The following UBE2E1 variants were observed in gnomAD, a reference collection of about 807,000 sequenced individuals.
UBE2E1 encodes ubiquitin conjugating enzyme E2 E1.
UBE2E1 carries 6 observed loss-of-function variants against 21.4 expected under a neutral mutation model. That is an observed-to-expected ratio of 0.28 (90% CI 0.15 to 0.55). UBE2E1 has a LOEUF of 0.55. Among genes scored for constraint, UBE2E1 ranks in the 20% least tolerant of loss-of-function variants. The probability of loss-of-function intolerance (pLI) is 0.93; values close to 1 mark genes in which losing one functional copy is unlikely to be tolerated. For missense variants in UBE2E1, 142 were observed against 236.5 expected (o/e 0.60, Z 2.62); for synonymous variants, 87 against 82.7 (o/e 1.05, Z -0.28).
chr3:23,873,720 T>C (rs1700852857), intron 3 of UBE2E1, among the ~76,000 whole-genome samples: 1 of 152,050 alleles, frequency 6.6e-6, no homozygotes, highest in African/African-American at 2.4e-5. Context: ...CACTCCAGCC[T>C]GGGCGACAGA....
Position 23,817,743 on chromosome 3 carries a change from A to G in UBE2E1, c.203+6233A>G, listed in dbSNP as rs573988656. On this transcript the variant is annotated intron_variant, in intron 3 of 5. Transcript: ENST00000306627. ...AGCCAAGACAGCAGAGGGAAGACAGAAAAAGGGCACTATTGGGCAGAAGTG... is the reference window on the plus strand; with the variant it reads ...AGCCAAGACAGCAGAGGGAAGACAGGAAAAGGGCACTATTGGGCAGAAGTG... 3.3e-5 allele frequency among the ~76,000 whole-genome samples: 5 copies of G among 152,274 alleles called. No individual in the cohort carries two copies. In the South Asian group the frequency reaches 1.0e-3, roughly 32 times the overall value.
intron 3 of UBE2E1, among the ~76,000 whole-genome samples, chr3:23,845,591 G>C (rs796670517): frequency 2.6e-3 from 358 of 140,270 alleles, no homozygotes; most frequent in East Asian, 5.8e-3. Flanking sequence ...CTCTCTCTCT[G>C]TGTGTGTGTG....
intron 3 of UBE2E1, among the ~76,000 whole-genome samples, chr3:23,851,790 C>T (rs776083172): frequency 6.6e-6 from 1 of 151,780 alleles, no homozygotes; most frequent in African/African-American, 2.4e-5. Flanking sequence ...GACCCTGTCT[C>T]TAAAAAATAA....
rs1342464634 is a variant in UBE2E1 at position 23,806,289 on chromosome 3, G to A, written c.-34+201G>A. 6.6e-6 allele frequency among the ~76,000 whole-genome samples: 1 copy of A among 150,772 alleles called. No individual in the cohort carries two copies. The highest frequency in any genetic ancestry group is 1.5e-5 in the Non-Finnish European group (1 of 67,438). On this transcript the variant is annotated intron_variant, in intron 1 of 5. Coordinates refer to ENST00000306627, the MANE Select transcript of UBE2E1 (RefSeq NM_003341.5). The surrounding 1 kb of genome is among the most constrained non-coding windows in gnomAD (Gnocchi z 6.5). ...CGCGGGGGATGGGCAGGGACCCCGG[G>A]CCGCGTGGGGTGCGGGGGCCGCCCG...
rs918160504 is a variant in UBE2E1 at position 23,806,215 on chromosome 3, G to T, written c.-34+127G>T. ...GGCCGCAGGGCACGGGGCCGGCGCG[G>T]GGGGGGAGCGGAGAGGGGCTGGGGA... On this transcript the variant is annotated intron_variant, in intron 1 of 5. Coordinates refer to ENST00000306627, the MANE Select transcript of UBE2E1 (RefSeq NM_003341.5). The surrounding 1 kb of genome is among the most constrained non-coding windows in gnomAD (Gnocchi z 6.5). 7 of 148,688 alleles carry T rather than the reference G, an allele frequency of 4.7e-5. No individual in the cohort carries two copies. The highest frequency in any genetic ancestry group is 2.1e-4 in the South Asian group (1 of 4,822). 9.2% of individuals were successfully genotyped at this position (148,688 alleles called of 1,614,324 possible).
chr3:23,807,760 C>A (rs1699308996), intron 2 of UBE2E1: 1 of 189,526 alleles, frequency 5.3e-6, no homozygotes, highest in South Asian at 1.6e-4. Context: ...GATCCCATTT[C>A]TTAATTACTA....
At chr3:23,813,390 A>C (rs1699444636) in intron 3 of UBE2E1, among the ~76,000 whole-genome samples, 1 of 152,166 alleles carries the variant, frequency 6.6e-6, no homozygotes, top group South Asian at 2.1e-4. Flanking sequence ...TTGGTTGGCT[A>C]ATGGTGCTGT....
intron 3 of UBE2E1, among the ~76,000 whole-genome samples, chr3:23,845,007 G>C (rs1270255842): frequency 6.6e-6 from 1 of 152,106 alleles, no homozygotes; most frequent in East Asian, 1.9e-4. Context: ...AGATGGTATA[G>C]GGAAATTGAC....
Position 23,842,198 on chromosome 3 carries a change from G to GGTGTGTGTGTGTGT in UBE2E1, c.203+30726_203+30739dup, listed in dbSNP as rs55941535. On this transcript the variant is annotated intron_variant, in intron 3 of 5. Transcript: ENST00000306627. This position sits in a 1 kb window ranked among gnomAD's most constrained non-coding sequence, Gnocchi z 4.6. ...TATGTCATGACCCAGTAAGTGAAGG[G>GGTGTGTGTGTGTGT]GTGTGTGTGTGTGTGTGTGTGTGTG... Among the ~76,000 whole-genome samples, 131 of 104,320 alleles carry GGTGTGTGTGTGTGT rather than the reference G, an allele frequency of 1.3e-3. 2 individuals carry two copies. Among genetic ancestry groups the GGTGTGTGTGTGTGT allele is most frequent in the Middle Eastern group, 5.7e-3 (1 of 174 alleles). The allele number at this position is 104,320 out of a possible 152,430, so 68.4% of individuals were successfully genotyped here.
chr3:23,884,907 C>A (rs954934476), intron 3 of UBE2E1, among the ~76,000 whole-genome samples: 1 of 152,162 alleles, frequency 6.6e-6, no homozygotes, highest in Admixed American at 6.5e-5. Context: ...ATCTGCAACC[C>A]CTGTATTAGT....
At chr3:23,809,452 T>C (rs1261078169) in intron 2 of UBE2E1, among the ~76,000 whole-genome samples, 1 of 152,204 alleles carries the variant, frequency 6.6e-6, no homozygotes, top group East Asian at 1.9e-4. Flanking sequence ...GGCTGCTAAC[T>C]GCATGTTGGA....
rs577587588 is a variant in UBE2E1, at chr3:23,835,504, C to T, written c.203+23994C>T. 4.6e-5 allele frequency among the ~76,000 whole-genome samples: 7 copies of T among 152,132 alleles called. No individual in the cohort carries two copies. In the East Asian group the frequency reaches 1.4e-3, roughly 29 times the overall value. On this transcript the variant is annotated intron_variant, in intron 3 of 5. Transcript: ENST00000306627. Reference sequence around the variant, plus strand: ...GAACAAAAAACAGTCACACCAGGGCCCCATCCTATTGGAATCATCTCTAGG... The same window carrying T: ...GAACAAAAAACAGTCACACCAGGGCTCCATCCTATTGGAATCATCTCTAGG...
chr3:23,884,890 C>T (rs950320366), intron 3 of UBE2E1, among the ~76,000 whole-genome samples: 5 of 152,192 alleles, frequency 3.3e-5, no homozygotes, highest in Non-Finnish European at 7.3e-5. Context: ...AAAGAGCATT[C>T]CCCTTTATCT....
intron 3 of UBE2E1, among the ~76,000 whole-genome samples, chr3:23,862,225 G>A (rs1240934821): frequency 6.6e-6 from 1 of 152,076 alleles, no homozygotes; most frequent in East Asian, 1.9e-4. Context: ...AATCTGAATT[G>A]CTTAGCAGGC....
In UBE2E1 at chr3:23,879,983, C is replaced by T. The variant is rs149541363; in HGVS notation, c.204-7584C>T. ...GATTCTGGCCAGGCACAGTGGCTCACGCCTGTGAATCTCAGCACTTTGGGA... is the reference window on the plus strand; with the variant it reads ...GATTCTGGCCAGGCACAGTGGCTCATGCCTGTGAATCTCAGCACTTTGGGA... On this transcript the variant is annotated intron_variant, in intron 3 of 5. Transcript: ENST00000306627. Among the ~76,000 whole-genome samples the T allele has an allele frequency of 6.6e-5, 10 of 152,204 alleles. No homozygotes were observed. The East Asian group carries it at 1.7e-3, about 26-fold the overall frequency.
intron 2 of UBE2E1, among the ~76,000 whole-genome samples, chr3:23,809,979 C>T (rs1420456703): frequency 6.6e-6 from 1 of 152,132 alleles, no homozygotes; most frequent in Non-Finnish European, 1.5e-5. Flanking sequence ...TTGACAGATA[C>T]GTAGGGACAG....
intron 3 of UBE2E1, among the ~76,000 whole-genome samples, chr3:23,882,627 AG>A (rs1302303737): frequency 6.6e-6 from 1 of 150,680 alleles, no homozygotes; most frequent in Non-Finnish European, 1.5e-5. Context: ...AGCCCACTGC[AG>A]GGGTGGAGGG....
At chr3:23,851,213 G>A (rs549772310) in intron 3 of UBE2E1, among the ~76,000 whole-genome samples, 1 of 152,112 alleles carries the variant, frequency 6.6e-6, no homozygotes, top group Non-Finnish European at 1.5e-5. Flanking sequence ...AAATGTAAGA[G>A]TTTATTTCTG....
At chr3:23,879,047 AC>A in intron 3 of UBE2E1, 1 of 502,584 alleles carries the variant, frequency 2.0e-6, no homozygotes, top group Non-Finnish European at 4.0e-6. Flanking sequence ...AGCTCAGTTC[AC>A]CCCTTGCCAA....
Sources: allele counts gnomAD v4.1 joint callset (sites outside exome capture counted in the v4.1 genomes callset), GRCh38; gene constraint gnomAD v4.1.1; non-coding constraint Gnocchi (gnomAD v3.1); transcripts MANE v1.5; gene names NCBI Gene and HGNC (gene_info 2026-07-23, HGNC 2026-07-21).